Variants in UBN2 observed in about 807,000 individuals in gnomAD.
The protein encoded by UBN2 is ubinuclein-2.
UBN2 carries 35 observed loss-of-function variants against 120.2 expected under a neutral mutation model. The ratio of observed to expected loss-of-function variants is 0.29; its 90% CI spans 0.22 to 0.39. UBN2 has a LOEUF of 0.39. UBN2 is among the 10% of genes least tolerant of loss of function. The pLI, the probability that UBN2 is intolerant of heterozygous loss-of-function variation, is 1.00. For missense variants in UBN2, 1,693 were observed against 1,663.2 expected (o/e 1.02, Z -0.31); for synonymous variants, 661 against 648.7 (o/e 1.02, Z -0.29).
At chr7:139,280,135 G>A (rs1317796034) in intron 13 of UBN2, among the ~76,000 whole-genome samples, 1 of 152,096 alleles carries the variant, frequency 6.6e-6, no homozygotes, top group Admixed American at 6.6e-5. Flanking sequence ...GGCCTCAAAG[G>A]CATTCCTCCT....
chr7:139,254,724 T>C (rs1305353909), intron 3 of UBN2, among the ~76,000 whole-genome samples: 2 of 152,220 alleles, frequency 1.3e-5, no homozygotes, highest in Non-Finnish European at 2.9e-5. Context: ...AACTTAGCCA[T>C]ATATAAATGG....
intron 8 of UBN2, 70 bp from the exon 9 acceptor site, chr7:139,272,252 T>C: frequency 9.0e-7 from 1 of 1,105,348 alleles, no homozygotes; most frequent in Non-Finnish European, 1.3e-6. Context: ...AAATTTTATC[T>C]TTTGAGGACC....
intron 7 of UBN2, 43 bp downstream of exon 7, chr7:139,266,446 A>G (rs1797102929): frequency 8.1e-7 from 1 of 1,235,654 alleles, no homozygotes; most frequent in Non-Finnish European, 1.2e-6. Flanking sequence ...AGAATGATAC[A>G]TTAAAAAATG....
rs1798391802 is a variant in UBN2, at chr7:139,307,974, A to T, written c.*10138A>T. ...AACATTCCTAAATATGGACCTGTGAATTTAGTAAATTACCCCCATGAATAT... is the reference window on the plus strand; with the variant it reads ...AACATTCCTAAATATGGACCTGTGATTTTAGTAAATTACCCCCATGAATAT... On this transcript the variant is annotated 3_prime_UTR_variant, in exon 18 of 18. Transcript: ENST00000473989. 6.6e-6 allele frequency: 1 copy of T among 151,630 alleles called. No homozygotes were observed. The highest frequency in any genetic ancestry group is 1.5e-5 in the Non-Finnish European group (1 of 67,942). The allele number at this position is 151,630 out of a possible 1,614,324, so 9.4% of individuals were successfully genotyped here.
chr7:139,286,463 G>A (rs1255633211), intron 15 of UBN2, among the ~76,000 whole-genome samples: 1 of 151,992 alleles, frequency 6.6e-6, no homozygotes, highest in African/African-American at 2.4e-5. Flanking sequence ...TGTCCTTTAT[G>A]TTAATGATTT....
intron 2 of UBN2, among the ~76,000 whole-genome samples, chr7:139,242,964 C>G (rs567060230): frequency 1.6e-4 from 25 of 152,184 alleles, no homozygotes; most frequent in Non-Finnish European, 3.2e-4. Flanking sequence ...TTTCTTCTCA[C>G]TTATAGGACT....
chr7:139,289,419 T>G (rs1797882677), intron 15 of UBN2, among the ~76,000 whole-genome samples: 1 of 149,680 alleles, frequency 6.7e-6, no homozygotes, highest in East Asian at 2.0e-4. Flanking sequence ...TTTTGCTTTT[T>G]TTTTTTTTTT....
At chr7:139,246,850 T>C (rs1001640364) in intron 2 of UBN2, among the ~76,000 whole-genome samples, 1 of 152,176 alleles carries the variant, frequency 6.6e-6, no homozygotes, top group African/African-American at 2.4e-5. Flanking sequence ...TGACTTAGCA[T>C]AGTACTTTTG....
chr7:139,265,745 G>A (rs943402713), intron 6 of UBN2, among the ~76,000 whole-genome samples: 1 of 152,136 alleles, frequency 6.6e-6, no homozygotes, highest in Non-Finnish European at 1.5e-5. Flanking sequence ...AGGGATTTGA[G>A]GTTGGAATGC....
At chr7:139,244,080 C>A (rs1262892551) in intron 2 of UBN2, among the ~76,000 whole-genome samples, 2 of 152,174 alleles carry the variant, frequency 1.3e-5, no homozygotes, top group African/African-American at 4.8e-5. Flanking sequence ...CTTCCTACCC[C>A]TGACTCCCAG....
At chr7:139,295,901 A>G (rs1798097057) in intron 17 of UBN2, among the ~76,000 whole-genome samples, 1 of 152,120 alleles carries the variant, frequency 6.6e-6, no homozygotes, top group Non-Finnish European at 1.5e-5. Flanking sequence ...AGTCTGGGTG[A>G]CAGAGTGAGA....
the UBN2 span, among the ~76,000 whole-genome samples, chr7:139,323,444 T>C: frequency 6.6e-6 from 1 of 152,136 alleles, no homozygotes; most frequent in East Asian, 1.9e-4. Flanking sequence ...AGCATATTTT[T>C]GGCAATCAGG....
chr7:139,274,406 G>A (rs1466312256), intron 11 of UBN2, among the ~76,000 whole-genome samples: 1 of 152,186 alleles, frequency 6.6e-6, no homozygotes, highest in Non-Finnish European at 1.5e-5. Context: ...ACATGAAGAT[G>A]AGGAACCTAA....
rs543751976 is a variant in UBN2, at chr7:139,285,547, C to G, written c.3669+973C>G. Among the ~76,000 whole-genome samples the G allele has an allele frequency of 1.4e-4, 21 of 152,236 alleles. No homozygotes were observed. In the South Asian group the frequency reaches 4.4e-3, roughly 32 times the overall value. On this transcript the variant is annotated intron_variant, in intron 15 of 17. Transcript: ENST00000473989. ...GGCCATTCTCAGACTCTTTCTCATT[C>G]TCTTTTTGTTCCGTTATCATTAATG...
chr7:139,275,759 G>C (rs542224907), intron 11 of UBN2, among the ~76,000 whole-genome samples: 1 of 152,002 alleles, frequency 6.6e-6, no homozygotes, highest in Admixed American at 6.6e-5. Context: ...GATTGCTTGA[G>C]GCCAGGGATT....
At chr7:139,239,318 C>T (rs1321652250) in intron 2 of UBN2, among the ~76,000 whole-genome samples, 2 of 151,994 alleles carry the variant, frequency 1.3e-5, no homozygotes, top group African/African-American at 4.8e-5. Context: ...TTGCATGGAA[C>T]TATCACACTG....
chr7:139,313,970 T>C, the UBN2 span, among the ~76,000 whole-genome samples: 54 of 151,538 alleles, frequency 3.6e-4, no homozygotes, highest in Non-Finnish European at 6.0e-4. Context: ...TGCCTCAGCC[T>C]CCCAAGTAGC....
chr7:139,237,398 G>A (rs766477289), intron 2 of UBN2, among the ~76,000 whole-genome samples: 5 of 152,122 alleles, frequency 3.3e-5, no homozygotes, highest in African/African-American at 4.8e-5. Context: ...CCAGGTTCAA[G>A]CCTTTCTCAT....
At position 139,302,721 on chromosome 7, in the gene UBN2, C is replaced by G. The variant is rs977117769; in HGVS notation, c.*4885C>G. The stretch of plus-strand genomic sequence containing the variant: ...ATAAAAGTATAGAAAAGTATCTTTT[C>G]ACAAGAGGCCACCTTCGCCCTTTGA... On this transcript the variant is annotated 3_prime_UTR_variant, in exon 18 of 18. Coordinates refer to ENST00000473989, the MANE Select transcript of UBN2 (RefSeq NM_173569.4). The G allele has an allele frequency of 2.0e-5, 3 of 152,032 alleles. No homozygotes were observed. Among genetic ancestry groups the G allele is most frequent in the African/African-American group, 7.2e-5 (3 of 41,408 alleles). 9.4% of individuals were successfully genotyped at this position (152,032 alleles called of 1,614,324 possible).
Sources: allele counts gnomAD v4.1 joint callset (sites outside exome capture counted in the v4.1 genomes callset), GRCh38; gene constraint gnomAD v4.1.1; transcripts MANE v1.5; gene names NCBI Gene and HGNC (gene_info 2026-07-23, HGNC 2026-07-21).